ITGA8: variants seen among roughly 807,000 people sequenced by gnomAD.
ITGA8 encodes integrin alpha-8.
ITGA8 carries 91 observed loss-of-function variants against 142.3 expected under a neutral mutation model. That is an observed-to-expected ratio of 0.64 (90% CI 0.54 to 0.76). ITGA8 has a LOEUF of 0.76. Ranked by LOEUF, ITGA8 falls within the 30% of genes least tolerant of loss-of-function variation. The probability of loss-of-function intolerance (pLI) is 0.00; values close to 1 mark genes in which losing one functional copy is unlikely to be tolerated. For synonymous variants in ITGA8, 505 were observed against 485.2 expected, an observed-to-expected ratio of 1.04 and a Z score of -0.54; for missense variants, 1,406 against 1,327.7, an observed-to-expected ratio of 1.06 and a Z score of -0.92.
chr10:15,570,244 G>T (rs868680477), intron 25 of ITGA8, among the ~76,000 whole-genome samples: 57 of 152,190 alleles, frequency 3.7e-4, no homozygotes, highest in African/African-American at 1.3e-3. Context: ...TTAGGAAAAT[G>T]AACATAATTG....
At chr10:15,706,569 T>C (rs1211986078) in intron 2 of ITGA8, among the ~76,000 whole-genome samples, 2 of 152,026 alleles carry the variant, frequency 1.3e-5, no homozygotes, top group African/African-American at 4.8e-5. Flanking sequence ...GCCTTCCTAG[T>C]AGCTGGACTA....
intron 29 of ITGA8, among the ~76,000 whole-genome samples, chr10:15,518,027 T>TATGTTCTATATGCTCTATATAGC (rs1832995303): frequency 6.6e-6 from 1 of 152,154 alleles, no homozygotes; most frequent in Non-Finnish European, 1.5e-5. Context: ...ACATAGAGCA[T>TATGTTCTATATGCTCTATATAGC]ATATAGAGGG....
At chr10:15,591,742 T>G (rs1400369901) in intron 22 of ITGA8, among the ~76,000 whole-genome samples, 2 of 152,196 alleles carry the variant, frequency 1.3e-5, no homozygotes, top group Admixed American at 1.3e-4. Flanking sequence ...GGGCTTGCCC[T>G]CAAAATGGAG....
At chr10:15,585,371 A>C (rs1429172043) in intron 23 of ITGA8, among the ~76,000 whole-genome samples, 2 of 152,202 alleles carry the variant, frequency 1.3e-5, no homozygotes, top group Non-Finnish European at 2.9e-5. Flanking sequence ...AGATGGGCTA[A>C]CTTGGAGTAG....
chr10:15,569,641 A>G (rs755917720), intron 25 of ITGA8, among the ~76,000 whole-genome samples: 23 of 152,064 alleles, frequency 1.5e-4, no homozygotes, highest in Non-Finnish European at 2.8e-4. Context: ...CTGACCTCAA[A>G]CTCCTGGCCT....
chr10:15,672,782 T>C, intron 6 of ITGA8, 33 bp from the exon 7 acceptor site: 2 of 1,548,920 alleles, frequency 1.3e-6, no homozygotes, highest in Non-Finnish European at 8.7e-7. Context: ...GTTAACTGAA[T>C]GAAAGCAAGA....
chr10:15,707,686 G>A (rs1056282667), intron 2 of ITGA8, among the ~76,000 whole-genome samples: 1 of 151,956 alleles, frequency 6.6e-6, no homozygotes, highest in Non-Finnish European at 1.5e-5. Context: ...AGCCATGTGT[G>A]GTGGTGGGTG....
intron 13 of ITGA8, among the ~76,000 whole-genome samples, chr10:15,622,791 A>G (rs570540680): frequency 5.3e-5 from 8 of 152,352 alleles, no homozygotes; most frequent in Admixed American, 5.2e-4. Flanking sequence ...AACTATAAAC[A>G]TTCTTAAAAA....
chr10:15,612,138 A>G (rs1360105352), intron 15 of ITGA8, among the ~76,000 whole-genome samples: 1 of 152,192 alleles, frequency 6.6e-6, no homozygotes, highest in African/African-American at 2.4e-5. Flanking sequence ...TTTTAACCAA[A>G]TGTGCCCAGG....
At chr10:15,536,432 G>A (rs1833439525) in intron 27 of ITGA8, among the ~76,000 whole-genome samples, 1 of 152,200 alleles carries the variant, frequency 6.6e-6, no homozygotes, top group Admixed American at 6.5e-5. Flanking sequence ...CATGGCACAG[G>A]TGAGTATTTA....
At chr10:15,546,915 C>G (rs907725889) in intron 27 of ITGA8, among the ~76,000 whole-genome samples, 1 of 151,752 alleles carries the variant, frequency 6.6e-6, no homozygotes, top group Non-Finnish European at 1.5e-5. Context: ...TCACAATGAC[C>G]TTTAAAACAA....
chr10:15,657,510 ATT>A (rs34510305), intron 10 of ITGA8, among the ~76,000 whole-genome samples: 5,911 of 132,376 alleles, frequency 0.045, 405 homozygotes, highest in African/African-American at 0.15. Context: ...CTTTTCTTTC[ATT>A]TTTTTTTTTT....
At chr10:15,647,458 T>TC (rs1260077528) in intron 11 of ITGA8, among the ~76,000 whole-genome samples, 1 of 141,620 alleles carries the variant, frequency 7.1e-6, no homozygotes, top group Non-Finnish European at 1.5e-5. Flanking sequence ...AGTTTTTTTT[T>TC]TTTTTTTTTT....
chr10:15,587,456 T>C (rs182452352), intron 22 of ITGA8, among the ~76,000 whole-genome samples: 69 of 152,360 alleles, frequency 4.5e-4, no homozygotes, highest in African/African-American at 1.7e-3. Context: ...GGCTCTGGGA[T>C]GCATCATACC....
intron 13 of ITGA8, among the ~76,000 whole-genome samples, chr10:15,632,640 T>C (rs573301978): frequency 6.6e-6 from 1 of 152,316 alleles, no homozygotes; most frequent in East Asian, 1.9e-4. Flanking sequence ...ATTGTAGCAC[T>C]CTTATCACAC....
intron 13 of ITGA8, among the ~76,000 whole-genome samples, chr10:15,632,868 T>G (rs1482001050): frequency 1.3e-5 from 2 of 151,320 alleles, no homozygotes; most frequent in Non-Finnish European, 3.0e-5. Flanking sequence ...GGCTGTCTTA[T>G]GAAGGATGGG....
intron 14 of ITGA8, 122 bp from the exon 15 acceptor site, chr10:15,613,889 G>A (rs1045092425): frequency 3.4e-5 from 22 of 654,646 alleles, no homozygotes; most frequent in Admixed American, 5.5e-5. Context: ...CATTGCCAAC[G>A]TTCTCAGCAT....
chr10:15,553,964 G>T (rs1379020682), intron 26 of ITGA8, among the ~76,000 whole-genome samples: 2 of 151,798 alleles, frequency 1.3e-5, no homozygotes, highest in African/African-American at 4.8e-5. Flanking sequence ...TTGCACTCTG[G>T]CCTGAGCACC....
chr10:15,678,708 C>A lies in ITGA8; in HGVS notation c.630+14G>T, dbSNP rs767672737. ...AGATTAAATATTAGGAACTGCGAGA[C>A]CAAAATAATTCACCTTATAAAAATC... On this transcript the variant is annotated intron_variant, in intron 5 of 29. Transcript: ENST00000378076. 2 of 1,595,368 alleles carry A rather than the reference C, an allele frequency of 1.3e-6. No homozygotes were observed. Among genetic ancestry groups the A allele is most frequent in the Middle Eastern group, 1.7e-4 (1 of 6,018 alleles).
Sources: allele counts gnomAD v4.1 joint callset (sites outside exome capture counted in the v4.1 genomes callset), GRCh38; gene constraint gnomAD v4.1.1; transcripts MANE v1.5; gene names NCBI Gene and HGNC (gene_info 2026-07-23, HGNC 2026-07-21).